GALNT13: variants seen among roughly 807,000 people sequenced by gnomAD.
GALNT13 encodes UDP-GalNAc:polypeptide N-acetylgalactosaminyltransferase 13.
A neutral mutation model predicts 64.2 loss-of-function variants in GALNT13; 28 were observed. The observed-to-expected ratio is 0.44, with a 90% confidence interval of 0.32 to 0.60. The LOEUF is 0.60. GALNT13 is among the 20% of genes least tolerant of loss of function. The probability of loss-of-function intolerance (pLI) is 0.05; values close to 1 mark genes in which losing one functional copy is unlikely to be tolerated. For missense variants in GALNT13, 577 were observed against 669.8 expected (o/e 0.86, Z 1.53); for synonymous variants, 214 against 224.6 (o/e 0.95, Z 0.42).
the GALNT13 span, among the ~76,000 whole-genome samples, chr2:153,700,733 C>G: frequency 3.3e-5 from 5 of 152,104 alleles, no homozygotes; most frequent in Non-Finnish European, 7.4e-5. Flanking sequence ...GAACGATCCC[C>G]TATCCACAAT....
the GALNT13 span, among the ~76,000 whole-genome samples, chr2:153,215,926 C>A: frequency 6.6e-6 from 1 of 151,980 alleles, no homozygotes; most frequent in Non-Finnish European, 1.5e-5. Context: ...ACACAACAGT[C>A]ATAATATGGA....
At chr2:154,265,570 G>A (rs1395595296) in intron 8 of GALNT13, among the ~76,000 whole-genome samples, 1 of 151,998 alleles carries the variant, frequency 6.6e-6, no homozygotes, top group African/African-American at 2.4e-5. Flanking sequence ...GTGGTGGCGG[G>A]CACCTGTAAT....
chr2:153,244,145 T>C, the GALNT13 span, among the ~76,000 whole-genome samples: 2 of 150,442 alleles, frequency 1.3e-5, no homozygotes, highest in Non-Finnish European at 2.9e-5. Context: ...ACAGATTCAG[T>C]TGGCCTCATG....
chr2:153,912,731 T>C (rs1001286056), intron 2 of GALNT13, among the ~76,000 whole-genome samples: 3 of 152,204 alleles, frequency 2.0e-5, no homozygotes, highest in Non-Finnish European at 4.4e-5. Flanking sequence ...GTGACTCTTA[T>C]TGGGCACTGG....
intron 4 of GALNT13, among the ~76,000 whole-genome samples, chr2:154,225,635 C>T (rs1201477555): frequency 6.6e-6 from 1 of 152,044 alleles, no homozygotes; most frequent in Non-Finnish European, 1.5e-5. Flanking sequence ...CTGAAAATCA[C>T]AGACAAAGGG....
the GALNT13 span, among the ~76,000 whole-genome samples, chr2:153,552,775 T>TG: frequency 2.0e-5 from 3 of 151,908 alleles, no homozygotes; most frequent in Non-Finnish European, 4.4e-5. Flanking sequence ...AGATGGTGGT[T>TG]GGGGGGATGG....
the GALNT13 span, among the ~76,000 whole-genome samples, chr2:153,361,453 G>T: frequency 6.6e-6 from 1 of 151,962 alleles, no homozygotes; most frequent in African/African-American, 2.4e-5. Flanking sequence ...CTAACCCAAT[G>T]CAAAGAAGGT....
chr2:154,055,295 C>CT (rs745586982), intron 3 of GALNT13, among the ~76,000 whole-genome samples: 2 of 151,768 alleles, frequency 1.3e-5, no homozygotes, highest in African/African-American at 4.8e-5. Context: ...ACATGTAGTT[C>CT]TTTTTTTTCT....
the GALNT13 span, among the ~76,000 whole-genome samples, chr2:153,682,899 A>G: frequency 6.6e-6 from 1 of 151,790 alleles, no homozygotes; most frequent in Non-Finnish European, 1.5e-5. Flanking sequence ...ACTAGCAGAC[A>G]GGGCACACCT....
intron 11 of GALNT13, chr2:154,436,465 TATG>T (rs1700979548): frequency 6.6e-6 from 1 of 152,222 alleles, no homozygotes; most frequent in Admixed American, 6.5e-5. Context: ...AAATGGATGT[TATG>T]ATGTTTCCTT....
the GALNT13 span, among the ~76,000 whole-genome samples, chr2:153,468,468 G>A: frequency 5.9e-5 from 9 of 152,036 alleles, no homozygotes; most frequent in South Asian, 2.1e-4. Flanking sequence ...ATACAGATAC[G>A]AATTTACTTT....
chr2:153,628,652 T>G, the GALNT13 span, among the ~76,000 whole-genome samples: 2 of 152,214 alleles, frequency 1.3e-5, no homozygotes, highest in Non-Finnish European at 1.5e-5. Context: ...TTACATTTAT[T>G]GATTTGCGTA....
At chr2:153,369,251 C>A in the GALNT13 span, among the ~76,000 whole-genome samples, 1 of 151,156 alleles carries the variant, frequency 6.6e-6, no homozygotes, top group Admixed American at 6.6e-5. Flanking sequence ...TCCATCAGAA[C>A]AAACTAATAA....
At chr2:153,846,829 G>A in the GALNT13 span, among the ~76,000 whole-genome samples, 1 of 152,072 alleles carries the variant, frequency 6.6e-6, no homozygotes. Flanking sequence ...ACCAAACCAA[G>A]TAGGGCATAA....
chr2:154,293,943 A>G (rs553989739), intron 8 of GALNT13, among the ~76,000 whole-genome samples: 2 of 152,218 alleles, frequency 1.3e-5, no homozygotes, highest in African/African-American at 4.8e-5. Flanking sequence ...TAGTATTACT[A>G]TGAGTAGATA....
chr2:153,714,746 C>T, the GALNT13 span, among the ~76,000 whole-genome samples: 1 of 152,154 alleles, frequency 6.6e-6, no homozygotes, highest in Non-Finnish European at 1.5e-5. Context: ...AATCATAGGT[C>T]TATACCCTTT....
chr2:154,389,735 G>A (rs1401996429), intron 9 of GALNT13, among the ~76,000 whole-genome samples: 12 of 152,144 alleles, frequency 7.9e-5, no homozygotes, highest in Admixed American at 7.9e-4. Context: ...ACTGGGTGCT[G>A]CAACCAGGGA....
the GALNT13 span, among the ~76,000 whole-genome samples, chr2:153,729,734 G>C: frequency 6.6e-6 from 1 of 152,022 alleles, no homozygotes; most frequent in East Asian, 1.9e-4. Flanking sequence ...AAATCCTAAA[G>C]AGTCATCCAA....
the GALNT13 span, among the ~76,000 whole-genome samples, chr2:153,346,458 T>G: frequency 6.6e-6 from 1 of 152,216 alleles, no homozygotes; most frequent in African/African-American, 2.4e-5. Flanking sequence ...TCGAATACCC[T>G]AAATCCATAG....
Sources: gnomAD v4.1 joint callset for allele counts (sites outside exome capture counted in the v4.1 genomes callset) on GRCh38, gnomAD v4.1.1 for gene constraint, MANE v1.5 for transcripts, NCBI Gene and HGNC (gene_info 2026-07-23, HGNC 2026-07-21) for gene names.